IL34: variants seen among roughly 807,000 people sequenced by gnomAD.
IL34 encodes the protein interleukin-34.
In IL34, 17 loss-of-function variants were observed where a neutral mutation model predicts 25.3. The ratio of observed to expected loss-of-function variants is 0.67; its 90% CI spans 0.46 to 1.01. The LOEUF is 1.01. Among genes scored for constraint, IL34 ranks in the 50% least tolerant of loss-of-function variants. The probability of loss-of-function intolerance (pLI) is 0.00; values close to 1 mark genes in which losing one functional copy is unlikely to be tolerated. For synonymous variants in IL34, 174 were observed against 140.9 expected (o/e 1.23, Z -1.66); for missense variants, 368 against 312.9 (o/e 1.18, Z -1.33).
chr16:70,610,933 C>A lies in IL34; in HGVS notation c.-401+30884C>A, dbSNP rs559178192. Among the ~76,000 whole-genome samples the A allele has an allele frequency of 8.6e-5, 13 of 151,752 alleles. No homozygotes were observed. In the East Asian group the frequency reaches 1.2e-3, roughly 14 times the overall value. ...AAAAACTGCTTGCGTTCTTTCCCCC[C>A]CTTCCATCCTTTGTGATTTTGGGGG... On this transcript the variant is annotated intron_variant, in intron 1 of 6. Transcript: ENST00000429149.
intron 1 of IL34, among the ~76,000 whole-genome samples, chr16:70,651,452 G>C (rs940793596): frequency 6.6e-6 from 1 of 152,232 alleles, no homozygotes; most frequent in Non-Finnish European, 1.5e-5. Flanking sequence ...ATAGATTGCA[G>C]ACTTGCAACT....
At position 70,656,931 on chromosome 16, in the gene IL34, G is replaced by A. The variant is rs775874063; in HGVS notation, c.241-29G>A. ...CAGAGCCCAGAGGCCCATGTCTCCC[G>A]AGTTGCAGTGACTTCCCTGTTTCCG... On this transcript the variant is annotated intron_variant, in intron 3 of 5. Transcript: ENST00000288098. 9 of 1,589,944 alleles carry A rather than the reference G, an allele frequency of 5.7e-6. No homozygotes were observed. The Admixed American group carries it at 6.8e-5, about 12-fold the overall frequency.
intron 2 of IL34, among the ~76,000 whole-genome samples, chr16:70,656,258 C>T (rs1318067553): frequency 5.3e-5 from 8 of 152,288 alleles, no homozygotes; most frequent in South Asian, 2.1e-4. Flanking sequence ...ATCTGGAGGC[C>T]GGGCATGGTG....
chr16:70,619,225 T>C (rs951208460), intron 1 of IL34, among the ~76,000 whole-genome samples: 76 of 151,622 alleles, frequency 5.0e-4, no homozygotes, highest in African/African-American at 1.7e-3. Flanking sequence ...TGGCGTTGAG[T>C]GGGGTAAGGG....
chr16:70,647,153 C>T (rs535743576), intron 1 of IL34, among the ~76,000 whole-genome samples, 178 bp downstream of exon 1: 10 of 152,276 alleles, frequency 6.6e-5, no homozygotes, highest in Non-Finnish European at 1.3e-4. Flanking sequence ...CTGCCGCTCA[C>T]TTCGGGCTCC....
chr16:70,654,623 G>A lies in IL34; in HGVS notation c.114G>A (p.Thr38=), dbSNP rs554531579. 8.1e-6 allele frequency: 13 copies of A among 1,613,342 alleles called. No individual in the cohort carries two copies. Among genetic ancestry groups the A allele is most frequent in the South Asian group, 3.3e-5 (3 of 90,998 alleles). The stretch of plus-strand genomic sequence containing the variant: ...CGCAGAATGAGGAGTGCACTGTCAC[G>A]GGTTTTCTGCGGGACAAGCTGCAGT... The part of the protein sequence containing the change: ...PLTQNEECTV[T]GFLRDKLQYR... Residue 38 remains threonine, a synonymous_variant, in exon 2 of 6, where the codon ACG becomes ACA. Transcript: ENST00000288098.
rs1005569053 is a variant in IL34, at chr16:70,620,240, C to T, written c.-400-26308C>T. ...GCTGTAAAGCGTCTCAAGGTTGCAG[C>T]CAAACAAGACATGAACTGGGCTGGA... On this transcript the variant is annotated intron_variant, in intron 1 of 6. Transcript: ENST00000429149. Among the ~76,000 whole-genome samples, 770 of 152,030 alleles carry T rather than the reference C, an allele frequency of 5.1e-3. 7 individuals carry two copies. The highest frequency in any genetic ancestry group is 0.017 in the African/African-American group (716 of 41,450).
chr16:70,589,267 T>C (rs949023769), intron 1 of IL34, among the ~76,000 whole-genome samples: 3 of 152,168 alleles, frequency 2.0e-5, no homozygotes, highest in African/African-American at 7.2e-5. Context: ...ACTTTTGTTT[T>C]AGATTCGGGG....
intron 4 of IL34, among the ~76,000 whole-genome samples, chr16:70,658,352 T>A (rs1451771551): frequency 5.3e-5 from 8 of 152,258 alleles, no homozygotes; most frequent in Non-Finnish European, 2.9e-5. Context: ...TTTTATTGTT[T>A]TAGAGATGGG....
intron 1 of IL34, among the ~76,000 whole-genome samples, chr16:70,599,331 CTCTT>C (rs1437267585): frequency 1.6e-4 from 8 of 51,310 alleles, no homozygotes; most frequent in South Asian, 1.3e-3. Context: ...CTTTCTTTCT[CTCTT>C]TCTTTCTCTC....
chr16:70,654,853 C>T (rs1021344637), intron 2 of IL34, among the ~76,000 whole-genome samples, 182 bp downstream of exon 2: 1 of 152,130 alleles, frequency 6.6e-6, no homozygotes, highest in African/African-American at 2.4e-5. Context: ...GACCCTCCTC[C>T]TGCCATCTCC....
At position 70,639,374 on chromosome 16, in the gene IL34, A is replaced by C. The variant is rs138388648; in HGVS notation, c.-400-7174A>C. 1.7e-4 allele frequency among the ~76,000 whole-genome samples: 26 copies of C among 152,318 alleles called. No individual in the cohort carries two copies. The East Asian group carries it at 5.0e-3, about 29-fold the overall frequency. ...AGGCCAGAAATAGGAGGAAAGCACA[A>C]TATTGCGTTTATATCAGACATCTTG... On this transcript the variant is annotated intron_variant, in intron 1 of 6. Transcript: ENST00000429149.
rs879515402 is a variant in IL34 at position 70,614,023 on chromosome 16, TA to T, written c.-400-32514del. Among the ~76,000 whole-genome samples, 563 of 146,726 alleles carry T rather than the reference TA, an allele frequency of 3.8e-3. 2 individuals are homozygous for T. The highest frequency in any genetic ancestry group is 6.1e-3 in the Non-Finnish European group (401 of 66,268). ...GGCAATACAACAAGGCTTTGTCTCT[TA>T]AAAAAAAAAATTATCCAGGCGTGGT... On this transcript the variant is annotated intron_variant, in intron 1 of 6. Transcript: ENST00000429149.
At chr16:70,643,581 C>T (rs2051837806), upstream of IL34, among the ~76,000 whole-genome samples, 1 of 152,090 alleles carries the variant, frequency 6.6e-6, no homozygotes, top group Admixed American at 6.5e-5. Context: ...CACTATGTTG[C>T]CCGGGCTGGT....
chr16:70,591,049 G>A (rs892825469), intron 1 of IL34, among the ~76,000 whole-genome samples: 1 of 152,240 alleles, frequency 6.6e-6, no homozygotes, highest in Non-Finnish European at 1.5e-5. Context: ...CAGCACTGTG[G>A]GGACCATGCC....
chr16:70,644,423 A>C (rs1004497900), upstream of IL34, among the ~76,000 whole-genome samples: 4 of 151,864 alleles, frequency 2.6e-5, no homozygotes, highest in African/African-American at 9.7e-5. Context: ...ATACTATTCT[A>C]CCTTGTTTCA....
At chr16:70,638,700 C>T (rs2051712890) in intron 1 of IL34, among the ~76,000 whole-genome samples, 1 of 152,074 alleles carries the variant, frequency 6.6e-6, no homozygotes, top group Non-Finnish European at 1.5e-5. Flanking sequence ...CGGGGTCAAG[C>T]CTCTTGAGTA....
chr16:70,657,273 T>A, intron 4 of IL34, 152 bp downstream of exon 4: 1 of 787,340 alleles, frequency 1.3e-6, no homozygotes, highest in East Asian at 2.8e-5. Context: ...GGGGGAGGGG[T>A]GCAGGAAAAG....
intron 1 of IL34, among the ~76,000 whole-genome samples, chr16:70,653,168 G>T (rs2052123174): frequency 1.3e-5 from 2 of 151,898 alleles, no homozygotes; most frequent in East Asian, 3.9e-4. Context: ...AGCTGAGATT[G>T]TGCCACTGTA....
Sources: allele counts gnomAD v4.1 joint callset (sites outside exome capture counted in the v4.1 genomes callset), GRCh38; gene constraint gnomAD v4.1.1; transcripts MANE v1.5; gene names NCBI Gene and HGNC (gene_info 2026-07-23, HGNC 2026-07-21).